Variants in XNDC1N observed in about 807,000 individuals in gnomAD.
XNDC1N encodes protein XNDC1N.
chr11:71,919,217 T>C, the XNDC1N span, among the ~76,000 whole-genome samples: 1 of 152,140 alleles, frequency 6.6e-6, no homozygotes, highest in Non-Finnish European at 1.5e-5. Context: ...TTTTTCTCTA[T>C]CCCATTTACC....
the XNDC1N span, among the ~76,000 whole-genome samples, chr11:71,873,618 AT>A: frequency 8.2e-3 from 1,243 of 152,320 alleles, 12 homozygotes; most frequent in African/African-American, 0.021. Flanking sequence ...AATCCTTGCA[AT>A]GGTAATAGTA....
the XNDC1N span, among the ~76,000 whole-genome samples, chr11:71,886,053 G>A: frequency 3.9e-5 from 6 of 152,122 alleles, no homozygotes; most frequent in African/African-American, 4.8e-5. Flanking sequence ...TCGGCAGCTC[G>A]TTTACGACCC....
chr11:71,918,665 G>A, the XNDC1N span, among the ~76,000 whole-genome samples: 2 of 152,192 alleles, frequency 1.3e-5, no homozygotes, highest in Admixed American at 1.3e-4. Context: ...ATAATTTGAG[G>A]AGCGCCATTC....
chr11:71,918,914 C>G, the XNDC1N span: 1 of 702,942 alleles, frequency 1.4e-6, no homozygotes, highest in Admixed American at 2.0e-5. Context: ...GGGCACTGCC[C>G]TCTCCAGCTG....
At chr11:71,893,748 T>G in the XNDC1N span, 1 of 1,178,446 alleles carries the variant, frequency 8.5e-7, no homozygotes, top group Non-Finnish European at 1.2e-6. Context: ...GAGTCATCTC[T>G]CATGCGGACT....
the XNDC1N span, among the ~76,000 whole-genome samples, chr11:71,919,268 T>A: frequency 6.6e-6 from 1 of 152,212 alleles, no homozygotes; most frequent in Admixed American, 6.5e-5. Flanking sequence ...CTTAGGTGGT[T>A]ACTATTATTA....
the XNDC1N span, among the ~76,000 whole-genome samples, chr11:71,918,223 T>C: frequency 2.6e-5 from 4 of 152,176 alleles, no homozygotes; most frequent in South Asian, 4.1e-4. Flanking sequence ...GCACAGTTCA[T>C]CTCTCCAGCA....
chr11:71,917,289 C>T, the XNDC1N span: 1 of 677,098 alleles, frequency 1.5e-6, no homozygotes, highest in South Asian at 1.6e-5. Flanking sequence ...GCTGGGATTA[C>T]AGGCATGAGC....
the XNDC1N span, among the ~76,000 whole-genome samples, chr11:71,897,680 G>A: frequency 6.6e-6 from 1 of 152,196 alleles, no homozygotes; most frequent in Non-Finnish European, 1.5e-5. Context: ...GAAACAGAAT[G>A]ATCAGATGTT....
At chr11:71,901,399 C>A in the XNDC1N span, among the ~76,000 whole-genome samples, 75 of 152,008 alleles carry the variant, frequency 4.9e-4, 1 homozygote, top group Non-Finnish European at 8.5e-4. Flanking sequence ...TAATTCGAGA[C>A]CAGCCTGGCC....
the XNDC1N span, among the ~76,000 whole-genome samples, chr11:71,884,039 C>T: frequency 2.6e-5 from 4 of 152,352 alleles, no homozygotes; most frequent in African/African-American, 9.6e-5. Flanking sequence ...TCCACTTACA[C>T]TAGATTCCAT....
the XNDC1N span, among the ~76,000 whole-genome samples, chr11:71,907,993 C>A: frequency 6.6e-6 from 1 of 152,102 alleles, no homozygotes; most frequent in Admixed American, 6.5e-5. Flanking sequence ...ATACTCCAAC[C>A]ACTGGAGATT....
chr11:71,917,919 C>T, the XNDC1N span: 1 of 602,146 alleles, frequency 1.7e-6, no homozygotes, highest in South Asian at 2.0e-5. Flanking sequence ...CACAGGGAGC[C>T]AGTAACTGGA....
chr11:71,908,234 GATT>G, the XNDC1N span, among the ~76,000 whole-genome samples: 20 of 151,606 alleles, frequency 1.3e-4, no homozygotes, highest in Admixed American at 3.3e-4. Flanking sequence ...AAAGTTTTCA[GATT>G]ATTAATATTA....
At chr11:71,879,982 A>G in the XNDC1N span, among the ~76,000 whole-genome samples, 1 of 152,206 alleles carries the variant, frequency 6.6e-6, no homozygotes, top group Non-Finnish European at 1.5e-5. Flanking sequence ...ATACTCACTA[A>G]ATGGAACACT....
At chr11:71,893,665 C>T in the XNDC1N span, 4 of 1,274,746 alleles carry the variant, frequency 3.1e-6, no homozygotes, top group Non-Finnish European at 4.5e-6. Flanking sequence ...CCTCTCCAAC[C>T]TGTGCTGGGC....
the XNDC1N span, among the ~76,000 whole-genome samples, chr11:71,889,747 A>C: frequency 3.3e-5 from 5 of 152,202 alleles, no homozygotes; most frequent in Non-Finnish European, 7.3e-5. Context: ...GCCCGGCATA[A>C]GAGCTTCTGG....
the XNDC1N span, among the ~76,000 whole-genome samples, chr11:71,873,405 A>G: frequency 2.6e-5 from 4 of 152,176 alleles, no homozygotes; most frequent in Non-Finnish European, 4.4e-5. Flanking sequence ...GAATATCTCT[A>G]TGTATGAATT....
chr11:71,878,554 T>C, the XNDC1N span: 1 of 1,585,906 alleles, frequency 6.3e-7, no homozygotes, highest in Non-Finnish European at 8.6e-7. Flanking sequence ...AAAATATAAG[T>C]AAAAGAAAAT....
Sources: allele counts gnomAD v4.1 joint callset (sites outside exome capture counted in the v4.1 genomes callset), GRCh38; gene constraint gnomAD v4.1.1; transcripts MANE v1.5; gene names NCBI Gene and HGNC (gene_info 2026-07-23, HGNC 2026-07-21).